MPPED1: variants seen among roughly 807,000 people sequenced by gnomAD.
MPPED1 encodes the protein metallophosphoesterase domain containing 1.
A neutral mutation model predicts 36.2 loss-of-function variants in MPPED1; 16 were observed. That is an observed-to-expected ratio of 0.44 (90% CI 0.30 to 0.67). The LOEUF is 0.67. MPPED1 is among the 30% of genes least tolerant of loss of function. MPPED1 has a pLI of 0.10. For synonymous variants in MPPED1, 199 were observed against 191.3 expected (o/e 1.04, Z -0.33); for missense variants, 307 against 453.4 (o/e 0.68, Z 2.93).
intron 1 of MPPED1, among the ~76,000 whole-genome samples, chr22:43,423,706 C>A (rs552455879): frequency 6.6e-6 from 1 of 152,114 alleles, no homozygotes; most frequent in Non-Finnish European, 1.5e-5. Context: ...CTGACTGTGT[C>A]GATTCTTCTT....
intron 4 of MPPED1, among the ~76,000 whole-genome samples, chr22:43,483,772 G>T (rs1931823778): frequency 1.3e-5 from 2 of 152,160 alleles, no homozygotes; most frequent in South Asian, 4.1e-4. Flanking sequence ...CAGTTTGAGG[G>T]TGCTCCCTGG....
chr22:43,432,734 A>G (rs1601953931), intron 2 of MPPED1, among the ~76,000 whole-genome samples: 1 of 69,414 alleles, frequency 1.4e-5, no homozygotes, highest in Non-Finnish European at 2.8e-5. Context: ...AGAGAAAGGG[A>G]GGAGAGAGAG....
chr22:43,463,887 G>C (rs375846139), intron 3 of MPPED1, among the ~76,000 whole-genome samples: 22 of 99,056 alleles, frequency 2.2e-4, no homozygotes, highest in Middle Eastern at 7.0e-3. Context: ...CTTTCTGTCT[G>C]TCTGTCTTTC....
intron 3 of MPPED1, among the ~76,000 whole-genome samples, chr22:43,451,846 C>T (rs1359274066): frequency 3.3e-5 from 5 of 152,136 alleles, no homozygotes; most frequent in Admixed American, 2.0e-4. Flanking sequence ...CTTTGTCTGT[C>T]CGAGGCTTCG....
chr22:43,442,176 G>A (rs942394095), intron 3 of MPPED1, among the ~76,000 whole-genome samples: 4 of 151,806 alleles, frequency 2.6e-5, no homozygotes. Context: ...TTGGGGGTGC[G>A]GAAACCAACC....
intron 4 of MPPED1, among the ~76,000 whole-genome samples, chr22:43,477,494 G>A (rs968655115): frequency 1.3e-5 from 2 of 152,342 alleles, no homozygotes; most frequent in East Asian, 1.9e-4. Flanking sequence ...CTGGGTCCCT[G>A]CCACCATGCC....
chr22:43,413,356 G>A (rs1450075479), intron 1 of MPPED1, among the ~76,000 whole-genome samples: 3 of 147,450 alleles, frequency 2.0e-5, no homozygotes, highest in African/African-American at 7.6e-5. Context: ...GACAGGCACT[G>A]TCAATAATCT....
chr22:43,429,778 GT>G (rs1929609735), intron 2 of MPPED1, among the ~76,000 whole-genome samples: 1 of 152,194 alleles, frequency 6.6e-6, no homozygotes, highest in Admixed American at 6.5e-5. Context: ...CTCAGAAGGA[GT>G]GTCAGGGATC....
chr22:43,490,248 C>T (rs1023029906), intron 4 of MPPED1, among the ~76,000 whole-genome samples: 1 of 152,178 alleles, frequency 6.6e-6, no homozygotes, highest in Non-Finnish European at 1.5e-5. Flanking sequence ...CATGGCTCCC[C>T]AAATGGGCAA....
intron 3 of MPPED1, among the ~76,000 whole-genome samples, chr22:43,469,923 C>G (rs566609764): frequency 6.6e-6 from 1 of 152,206 alleles, no homozygotes; most frequent in East Asian, 1.9e-4. Flanking sequence ...TCTATATATG[C>G]ATCTATATAT....
At chr22:43,432,479 G>C (rs1929742732) in intron 2 of MPPED1, among the ~76,000 whole-genome samples, 1 of 123,992 alleles carries the variant, frequency 8.1e-6, no homozygotes, top group African/African-American at 3.1e-5. Flanking sequence ...GAGAGAGAAA[G>C]GGAGGAGAGA....
At chr22:43,486,154 C>A (rs922241869) in intron 4 of MPPED1, among the ~76,000 whole-genome samples, 5 of 131,932 alleles carry the variant, frequency 3.8e-5, no homozygotes, top group Non-Finnish European at 7.1e-5. Flanking sequence ...CCGGTCTGGT[C>A]TCCATGCAGG....
chr22:43,491,816 G>A (rs1265723148), intron 4 of MPPED1, among the ~76,000 whole-genome samples: 1 of 150,986 alleles, frequency 6.6e-6, no homozygotes, highest in Non-Finnish European at 1.5e-5. Flanking sequence ...TGATGGTGGT[G>A]ATGATGGAGG....
At chr22:43,481,543 A>G (rs1031941247) in intron 4 of MPPED1, among the ~76,000 whole-genome samples, 17 of 152,180 alleles carry the variant, frequency 1.1e-4, no homozygotes, top group African/African-American at 4.1e-4. Context: ...GAATGAGTGG[A>G]TGAGTGACCA....
At chr22:43,414,190 T>G (rs912015021) in intron 1 of MPPED1, among the ~76,000 whole-genome samples, 5 of 152,218 alleles carry the variant, frequency 3.3e-5, no homozygotes, top group African/African-American at 1.2e-4. Context: ...AGCCTGCTTT[T>G]AATAAATTCC....
chr22:43,438,244 G>A (rs573368041), intron 3 of MPPED1, among the ~76,000 whole-genome samples: 3 of 152,196 alleles, frequency 2.0e-5, no homozygotes, highest in African/African-American at 7.2e-5. Flanking sequence ...CATTCAGCTG[G>A]GTGGGCACGG....
intron 4 of MPPED1, among the ~76,000 whole-genome samples, chr22:43,486,946 G>A (rs549114019): frequency 5.3e-5 from 8 of 152,092 alleles, no homozygotes; most frequent in Non-Finnish European, 1.0e-4. Flanking sequence ...TGTTTTCATC[G>A]CTGATATGGG....
intron 3 of MPPED1, among the ~76,000 whole-genome samples, chr22:43,444,282 GTGTGTGT>G (rs1930255145): frequency 3.5e-3 from 47 of 13,610 alleles, no homozygotes; most frequent in Non-Finnish European, 0.011. Flanking sequence ...CCACTGGGGT[GTGTGTGT>G]GTGTGTGTGT....
chr22:43,470,242 G>A lies in MPPED1; in HGVS notation c.407-4494G>A, dbSNP rs114349085. 2.6e-4 allele frequency among the ~76,000 whole-genome samples: 34 copies of A among 131,586 alleles called. 1 individual carries two copies. Among genetic ancestry groups the A allele is most frequent in the African/African-American group, 8.9e-4 (25 of 27,988 alleles). 86.3% of individuals were successfully genotyped at this position (131,586 alleles called of 152,430 possible). A position where few individuals can be genotyped will look rare whatever the true frequency, so the allele number is the denominator to read the frequency against. On this transcript the variant is annotated intron_variant, in intron 3 of 6. Coordinates refer to ENST00000443721, the MANE Select transcript of MPPED1 (RefSeq NM_001044370.2). ...CATGTATGCATCTATATATCCATCC[G>A]TCTACAAAGCATCCATTCATCCATC...
Sources: allele counts gnomAD v4.1 joint callset (sites outside exome capture counted in the v4.1 genomes callset), GRCh38; gene constraint gnomAD v4.1.1; transcripts MANE v1.5; gene names NCBI Gene and HGNC (gene_info 2026-07-23, HGNC 2026-07-21).